SLC24A2: variants seen among roughly 807,000 people sequenced by gnomAD.
SLC24A2 encodes the protein solute carrier family 24 member 2, also known as sodium/potassium/calcium exchanger 2.
A neutral mutation model predicts 62.0 loss-of-function variants in SLC24A2; 36 were observed. The observed-to-expected ratio is 0.58, with a 90% CI of 0.44 to 0.77. The LOEUF (loss-of-function observed/expected upper bound fraction) is 0.77. SLC24A2 is among the 30% of genes least tolerant of loss of function. SLC24A2 has a pLI of 0.00. For synonymous variants in SLC24A2, 358 were observed against 294.0 expected (o/e 1.22, Z -2.23); for missense variants, 846 against 817.9 (o/e 1.03, Z -0.42).
chr9:19,516,967 T>C (rs1249900924), intron 10 of SLC24A2, among the ~76,000 whole-genome samples: 1 of 152,212 alleles, frequency 6.6e-6, no homozygotes, highest in Non-Finnish European at 1.5e-5. Context: ...GACAATTGTT[T>C]GATGAAAAAT....
At chr9:19,707,743 T>C (rs956108702) in intron 2 of SLC24A2, among the ~76,000 whole-genome samples, 3 of 152,222 alleles carry the variant, frequency 2.0e-5, no homozygotes, top group Non-Finnish European at 2.9e-5. Flanking sequence ...TAGGTATTGA[T>C]GGGATGTATC....
chr9:19,903,146 G>C, the SLC24A2 span, among the ~76,000 whole-genome samples: 12 of 151,844 alleles, frequency 7.9e-5, no homozygotes, highest in Non-Finnish European at 8.8e-5. Flanking sequence ...GTCTTGGTTA[G>C]CTCGTAACAA....
chr9:20,139,147 T>C, the SLC24A2 span, among the ~76,000 whole-genome samples: 2 of 152,210 alleles, frequency 1.3e-5, no homozygotes, highest in African/African-American at 4.8e-5. Context: ...ATTTTGAAAG[T>C]ACAGCTAGTC....
the SLC24A2 span, among the ~76,000 whole-genome samples, chr9:20,033,721 C>G: frequency 6.6e-6 from 1 of 152,310 alleles, no homozygotes; most frequent in East Asian, 1.9e-4. Context: ...AGAAGTTACC[C>G]TATGTGGTCT....
chr9:19,537,013 T>A (rs1159720145), intron 8 of SLC24A2, among the ~76,000 whole-genome samples: 1 of 146,006 alleles, frequency 6.8e-6, no homozygotes, highest in Non-Finnish European at 1.5e-5. Context: ...TTGAGAAGTG[T>A]CTGTTCATGT....
At chr9:20,297,673 A>G in the SLC24A2 span, among the ~76,000 whole-genome samples, 1 of 152,188 alleles carries the variant, frequency 6.6e-6, no homozygotes, top group Admixed American at 6.5e-5. Context: ...GTCGTGTGAC[A>G]GCTCTCAGAT....
At chr9:19,962,256 G>T in the SLC24A2 span, among the ~76,000 whole-genome samples, 3 of 152,232 alleles carry the variant, frequency 2.0e-5, no homozygotes, top group East Asian at 5.8e-4. Flanking sequence ...ATGCTGTTTT[G>T]GTTACTGTAG....
the SLC24A2 span, among the ~76,000 whole-genome samples, chr9:19,869,723 C>T: frequency 2.6e-5 from 4 of 152,254 alleles, no homozygotes; most frequent in East Asian, 5.8e-4. Context: ...TGTATGACAA[C>T]TCTATATGTC....
the SLC24A2 span, among the ~76,000 whole-genome samples, chr9:20,118,450 CCT>C: frequency 1.3e-5 from 2 of 151,748 alleles, no homozygotes; most frequent in African/African-American, 4.9e-5. Context: ...TCCAGGGGCC[CCT>C]GACTGATGCT....
At chr9:19,698,014 C>G (rs1820243102) in intron 2 of SLC24A2, among the ~76,000 whole-genome samples, 1 of 152,044 alleles carries the variant, frequency 6.6e-6, no homozygotes, top group Non-Finnish European at 1.5e-5. Context: ...AATATGGAAA[C>G]ATTTTTATGA....
At chr9:19,777,566 A>G (rs1822881072) in intron 2 of SLC24A2, among the ~76,000 whole-genome samples, 1 of 152,196 alleles carries the variant, frequency 6.6e-6, no homozygotes, top group Non-Finnish European at 1.5e-5. Context: ...ATTTTAGAAA[A>G]ACATTTAATG....
intron 2 of SLC24A2, among the ~76,000 whole-genome samples, chr9:19,770,293 G>A (rs1209625224): frequency 1.3e-5 from 2 of 151,958 alleles, no homozygotes; most frequent in East Asian, 2.0e-4. Flanking sequence ...GGACATCTAA[G>A]TAAGATACTT....
chr9:20,208,431 T>A, the SLC24A2 span, among the ~76,000 whole-genome samples: 2 of 152,154 alleles, frequency 1.3e-5, no homozygotes, highest in Non-Finnish European at 2.9e-5. Context: ...TTCCGGGTGG[T>A]CTGTATTCAT....
chr9:19,926,835 T>C, the SLC24A2 span: 4 of 152,268 alleles, frequency 2.6e-5, no homozygotes, highest in African/African-American at 9.7e-5. Context: ...AGTTTGATTT[T>C]TACAAATGAC....
the SLC24A2 span, among the ~76,000 whole-genome samples, chr9:19,896,157 T>G: frequency 6.6e-6 from 1 of 152,180 alleles, no homozygotes; most frequent in Admixed American, 6.5e-5. Context: ...GTTTAACGTT[T>G]TGCTCGGAAG....
chr9:19,829,317 T>C, the SLC24A2 span, among the ~76,000 whole-genome samples: 2 of 152,154 alleles, frequency 1.3e-5, no homozygotes, highest in Admixed American at 6.6e-5. Flanking sequence ...GTGGTTGATA[T>C]AGCTTCCCCC....
the SLC24A2 span, among the ~76,000 whole-genome samples, chr9:19,833,069 A>T: frequency 2.0e-5 from 3 of 152,202 alleles, no homozygotes; most frequent in African/African-American, 4.8e-5. Context: ...TAGAATGGCG[A>T]TCATTAAAAA....
At chr9:20,222,584 G>C in the SLC24A2 span, among the ~76,000 whole-genome samples, 1 of 151,980 alleles carries the variant, frequency 6.6e-6, no homozygotes, top group Non-Finnish European at 1.5e-5. Context: ...TTTACAAACA[G>C]ACGCAAAATC....
intron 2 of SLC24A2, among the ~76,000 whole-genome samples, chr9:19,704,498 G>C (rs184701472): frequency 2.0e-5 from 3 of 152,082 alleles, no homozygotes; most frequent in African/African-American, 7.2e-5. Flanking sequence ...TTTTTTTCCT[G>C]TGTTTGTGTA....
Sources: allele counts gnomAD v4.1 joint callset (sites outside exome capture counted in the v4.1 genomes callset), GRCh38; gene constraint gnomAD v4.1.1; transcripts MANE v1.5; gene names NCBI Gene and HGNC (gene_info 2026-07-23, HGNC 2026-07-21).